The following MLLT10 variants were observed in gnomAD, a reference collection of about 807,000 sequenced individuals.
MLLT10 encodes protein AF-10.
Under a neutral mutation model 129.1 loss-of-function variants are expected in MLLT10, and 30 were observed. That is an observed-to-expected ratio of 0.23 (90% CI 0.17 to 0.32). The LOEUF (loss-of-function observed/expected upper bound fraction) is 0.32, where lower values mean the gene tolerates loss of function less well. Ranked by LOEUF, MLLT10 falls within the 10% of genes least tolerant of loss-of-function variation. The pLI, the probability that MLLT10 is intolerant of heterozygous loss-of-function variation, is 1.00. For synonymous variants in MLLT10, 490 were observed against 446.4 expected (o/e 1.10, Z -1.23); for missense variants, 1,119 against 1,268.3 (o/e 0.88, Z 1.79).
At chr10:21,565,072 T>C (rs538398545) in intron 3 of MLLT10, among the ~76,000 whole-genome samples, 1 of 152,318 alleles carries the variant, frequency 6.6e-6, no homozygotes, top group South Asian at 2.1e-4. Flanking sequence ...CATACACATT[T>C]AGGAATGTTA....
intron 14 of MLLT10, among the ~76,000 whole-genome samples, chr10:21,722,462 A>C (rs1005070362): frequency 1.1e-4 from 17 of 152,170 alleles, no homozygotes; most frequent in Non-Finnish European, 7.4e-5. Flanking sequence ...GTGTATGTTA[A>C]TGTTTCCTTT....
chr10:21,658,721 G>A (rs1007503762), intron 9 of MLLT10, among the ~76,000 whole-genome samples: 11 of 152,184 alleles, frequency 7.2e-5, no homozygotes, highest in East Asian at 3.9e-4. Flanking sequence ...CTGGAGTGCA[G>A]TGGTGCAATC....
chr10:21,636,720 G>A (rs1317123740), intron 8 of MLLT10, among the ~76,000 whole-genome samples: 4 of 151,786 alleles, frequency 2.6e-5, no homozygotes, highest in South Asian at 4.2e-4. Flanking sequence ...GACTACAGGC[G>A]TGTGCCACCA....
At chr10:21,671,385 G>C (rs1461965994) in intron 10 of MLLT10, among the ~76,000 whole-genome samples, 1 of 152,174 alleles carries the variant, frequency 6.6e-6, no homozygotes, top group African/African-American at 2.4e-5. Flanking sequence ...GCCGGGCGTG[G>C]TGGCTCACAT....
intron 8 of MLLT10, among the ~76,000 whole-genome samples, chr10:21,622,832 G>A (rs1278592159): frequency 6.6e-6 from 1 of 152,124 alleles, no homozygotes; most frequent in Non-Finnish European, 1.5e-5. Context: ...TGGGTCCCAC[G>A]AGACTGCCCC....
Position 21,586,276 on chromosome 10 carries a change from C to CT in MLLT10, c.241-5dup, listed in dbSNP as rs750892285. 140,479 of 1,140,802 alleles carry CT rather than the reference C, an allele frequency of 0.12. 1 individual carries two copies. The highest frequency in any genetic ancestry group is 0.13 in the Non-Finnish European group (108,714 of 828,010). 70.7% of individuals were successfully genotyped at this position (1,140,802 alleles called of 1,614,324 possible). A position where few individuals can be genotyped will look rare whatever the true frequency, so the allele number is the denominator to read the frequency against. On this transcript the variant is annotated splice_polypyrimidine_tract_variant and intron_variant, in intron 3 of 22. Transcript: ENST00000307729. ...AATCTGAAATATTCATTACCTGTTT[C>CT]TTTTTTTTTTTTTATAGAGATGTGA...
intron 3 of MLLT10, among the ~76,000 whole-genome samples, chr10:21,561,494 C>G (rs1445916854): frequency 6.6e-6 from 1 of 152,190 alleles, no homozygotes; most frequent in Non-Finnish European, 1.5e-5. Flanking sequence ...CTCCTGACCT[C>G]GTGATCCGCC....
chr10:21,621,534 C>A (rs999524646), intron 8 of MLLT10, among the ~76,000 whole-genome samples: 1 of 152,164 alleles, frequency 6.6e-6, no homozygotes, highest in African/African-American at 2.4e-5. Context: ...CGTGAGCTAC[C>A]GCGCCCAGCC....
chr10:21,720,437 A>C (rs968400350), intron 14 of MLLT10, among the ~76,000 whole-genome samples: 4 of 152,222 alleles, frequency 2.6e-5, no homozygotes, highest in African/African-American at 9.7e-5. Context: ...TTCTTAGTAA[A>C]TATAAAGTTT....
Position 21,700,735 on chromosome 10 carries a change from C to T in MLLT10, c.1700-13037C>T, listed in dbSNP as rs74773995. Reference sequence around the variant, plus strand: ...TTACCTTTTGATGTTTTGTTGAATTCGGTTTGCTAGCATTTTGTTGGGGAT... The same window carrying T: ...TTACCTTTTGATGTTTTGTTGAATTTGGTTTGCTAGCATTTTGTTGGGGAT... On this transcript the variant is annotated intron_variant, in intron 13 of 22. Transcript: ENST00000307729. Among the ~76,000 whole-genome samples the T allele has an allele frequency of 6.0e-3, 910 of 152,088 alleles. 10 individuals carry two copies. Among genetic ancestry groups the T allele is most frequent in the African/African-American group, 0.02 (837 of 41,482 alleles).
intron 9 of MLLT10, among the ~76,000 whole-genome samples, chr10:21,659,323 T>G (rs2049930944): frequency 6.6e-6 from 1 of 152,154 alleles, no homozygotes; most frequent in Non-Finnish European, 1.5e-5. Context: ...TTATCACAAC[T>G]AATGTGTGAA....
At chr10:21,572,862 C>G (rs781511671) in intron 3 of MLLT10, among the ~76,000 whole-genome samples, 1 of 152,082 alleles carries the variant, frequency 6.6e-6, no homozygotes, top group Non-Finnish European at 1.5e-5. Flanking sequence ...CTGCCTGTTT[C>G]GGCCTTCCAA....
chr10:21,550,504 C>T (rs908310559), intron 3 of MLLT10, among the ~76,000 whole-genome samples: 1 of 152,116 alleles, frequency 6.6e-6, no homozygotes, highest in African/African-American at 2.4e-5. Context: ...GTTAACTGCC[C>T]CAGCTTCAAT....
At position 21,741,405 on chromosome 10, in the gene MLLT10, C is replaced by T. The variant is rs370048266; in HGVS notation, c.3163-534C>T. ...TAATTTAATGAGCTAATAGAGTGCT[C>T]ATAATAGAGAACACAGTGCTGGGAG... On this transcript the variant is annotated intron_variant, in intron 22 of 22. Coordinates refer to ENST00000307729, the MANE Select transcript of MLLT10 (RefSeq NM_001195626.3). Among the ~76,000 whole-genome samples, 6 of 149,578 alleles carry T rather than the reference C, an allele frequency of 4.0e-5. No individual in the cohort carries two copies. In the East Asian group the frequency reaches 5.8e-4, roughly 14 times the overall value.
intron 3 of MLLT10, among the ~76,000 whole-genome samples, chr10:21,564,317 C>T (rs1454007863): frequency 6.6e-6 from 1 of 152,142 alleles, no homozygotes; most frequent in Non-Finnish European, 1.5e-5. Context: ...TTTTGAACTT[C>T]TGAGCTAAAG....
intron 13 of MLLT10, among the ~76,000 whole-genome samples, chr10:21,692,835 T>G (rs2054005685): frequency 6.6e-6 from 1 of 152,160 alleles, no homozygotes. Context: ...TGTTTTCTTG[T>G]CTCTGTTTTC....
At chr10:21,642,804 G>GA (rs2048144944) in intron 8 of MLLT10, among the ~76,000 whole-genome samples, 1 of 152,132 alleles carries the variant, frequency 6.6e-6, no homozygotes, top group Non-Finnish European at 1.5e-5. Context: ...CTGGGCTGGG[G>GA]AATAGATACA....
At chr10:21,582,037 T>C (rs1469766074) in intron 3 of MLLT10, among the ~76,000 whole-genome samples, 1 of 152,214 alleles carries the variant, frequency 6.6e-6, no homozygotes, top group Non-Finnish European at 1.5e-5. Context: ...CCACTGTATA[T>C]GTGGTTGTTG....
intron 9 of MLLT10, among the ~76,000 whole-genome samples, chr10:21,666,437 G>A (rs920004172): frequency 3.3e-5 from 5 of 152,004 alleles, no homozygotes; most frequent in Non-Finnish European, 5.9e-5. Flanking sequence ...AGGCCGAAGC[G>A]GGTGGATCAC....
Sources: gnomAD v4.1 joint callset for allele counts (sites outside exome capture counted in the v4.1 genomes callset) on GRCh38, gnomAD v4.1.1 for gene constraint, MANE v1.5 for transcripts, NCBI Gene and HGNC (gene_info 2026-07-23, HGNC 2026-07-21) for gene names.